Variants in CLYBL observed in about 807,000 individuals in gnomAD.
The protein encoded by CLYBL is citramalyl-CoA lyase, mitochondrial.
In CLYBL, 31 loss-of-function variants were observed where a neutral mutation model predicts 38.9. That is an observed-to-expected ratio of 0.80 (90% CI 0.60 to 1.08). The LOEUF (loss-of-function observed/expected upper bound fraction) is 1.08. Ranked by LOEUF, CLYBL falls within the 50% of genes least tolerant of loss-of-function variation. The probability of loss-of-function intolerance (pLI) is 0.00; values close to 1 mark genes in which losing one functional copy is unlikely to be tolerated. For missense variants in CLYBL, 434 were observed against 411.6 expected (o/e 1.05, Z -0.47); for synonymous variants, 171 against 158.6 (o/e 1.08, Z -0.59).
At chr13:99,626,378 C>A (rs796741510) in intron 1 of CLYBL, among the ~76,000 whole-genome samples, 11 of 152,300 alleles carry the variant, frequency 7.2e-5, no homozygotes, top group African/African-American at 2.6e-4. Context: ...CCAGGCCAGC[C>A]CAGGACTGAC....
chr13:99,905,412 G>A (rs2052686260), intron 9 of CLYBL, among the ~76,000 whole-genome samples: 1 of 152,216 alleles, frequency 6.6e-6, no homozygotes, highest in African/African-American at 2.4e-5. Context: ...TGTGGTGAGT[G>A]ACATGACATC....
intron 2 of CLYBL, among the ~76,000 whole-genome samples, chr13:99,791,667 G>A (rs2049920234): frequency 6.6e-6 from 1 of 152,182 alleles, no homozygotes; most frequent in African/African-American, 2.4e-5. Context: ...GATTAAAGGG[G>A]CCTGACATTT....
intron 2 of CLYBL, among the ~76,000 whole-genome samples, chr13:99,781,201 C>G (rs990058969): frequency 1.3e-5 from 2 of 151,010 alleles, no homozygotes; most frequent in South Asian, 4.2e-4. Flanking sequence ...GACGGAGTCT[C>G]GCTGTGTCAC....
intron 1 of CLYBL, chr13:99,727,452 C>T (rs978222134): frequency 6.6e-6 from 1 of 151,900 alleles, no homozygotes; most frequent in Admixed American, 6.6e-5. Context: ...AAGGTCTTCT[C>T]ATAAAATCCG....
chr13:99,652,744 A>G (rs1594102706), intron 1 of CLYBL, among the ~76,000 whole-genome samples: 1 of 152,316 alleles, frequency 6.6e-6, no homozygotes, highest in South Asian at 2.1e-4. Flanking sequence ...CTCCATACTC[A>G]GGGAGAAGCC....
Position 99,858,622 on chromosome 13 carries a change from A to G in CLYBL, c.250-239A>G, listed in dbSNP as rs540669019. On this transcript the variant is annotated intron_variant, in intron 2 of 8. Transcript: ENST00000339105. ...GACACTTCCATACAGAAGCACACCC[A>G]TGTGCACTGCGGTGCGTCTCGGCTA... is the stretch of plus-strand genomic sequence containing the variant. Among the ~76,000 whole-genome samples, 23 of 152,332 alleles carry G rather than the reference A, an allele frequency of 1.5e-4. 2 individuals carry two copies. In the South Asian group the frequency reaches 4.6e-3, roughly 30 times the overall value.
chr13:99,904,925 G>A (rs2052679449), intron 8 of CLYBL, among the ~76,000 whole-genome samples: 4 of 152,298 alleles, frequency 2.6e-5, no homozygotes, highest in Admixed American at 2.6e-4. Flanking sequence ...AGCTCAGCGG[G>A]CTTTGAGCCA....
chr13:99,732,087 T>C (rs2139574133), intron 1 of CLYBL, among the ~76,000 whole-genome samples: 1 of 152,212 alleles, frequency 6.6e-6, no homozygotes, highest in Admixed American at 6.5e-5. Flanking sequence ...TTACTGTTTC[T>C]TTTTTCTGGA....
At chr13:99,667,433 CTTTT>C (rs369360327) in intron 1 of CLYBL, among the ~76,000 whole-genome samples, 42,641 of 127,654 alleles carry the variant, frequency 0.33, 6,709 homozygotes, top group East Asian at 0.53. Flanking sequence ...AAGAATCTTG[CTTTT>C]TTTTTTTTTT....
At chr13:99,655,412 C>G (rs924633808) in intron 1 of CLYBL, among the ~76,000 whole-genome samples, 2 of 152,202 alleles carry the variant, frequency 1.3e-5, no homozygotes, top group African/African-American at 4.8e-5. Flanking sequence ...ATGATGTATG[C>G]TCTTTCACGT....
intron 4 of CLYBL, 109 bp downstream of exon 4, chr13:99,863,201 A>G (rs1345804027): frequency 3.5e-6 from 2 of 576,228 alleles, no homozygotes; most frequent in Non-Finnish European, 5.8e-6. Flanking sequence ...AGAAAGATTT[A>G]TAAGCAAAGG....
chr13:99,870,904 T>C (rs1177557308), intron 6 of CLYBL, 34 bp from the exon 7 acceptor site: 1 of 1,568,448 alleles, frequency 6.4e-7, no homozygotes, highest in Non-Finnish European at 8.6e-7. Context: ...CTGTTCGTTG[T>C]TTCGTGGTTC....
At chr13:99,749,260 C>T (rs778303359) in intron 1 of CLYBL, among the ~76,000 whole-genome samples, 4 of 152,132 alleles carry the variant, frequency 2.6e-5, no homozygotes, top group Admixed American at 6.5e-5. Flanking sequence ...CCTGGTGTCC[C>T]GATGGTCTGA....
chr13:99,634,804 T>C (rs988112341), intron 1 of CLYBL, among the ~76,000 whole-genome samples: 2 of 152,076 alleles, frequency 1.3e-5, no homozygotes, highest in East Asian at 1.9e-4. Flanking sequence ...GGAGTCAGGA[T>C]TGGGTTTCTT....
chr13:99,823,072 T>C (rs979349057), intron 2 of CLYBL, among the ~76,000 whole-genome samples: 2 of 152,196 alleles, frequency 1.3e-5, no homozygotes, highest in Admixed American at 6.5e-5. Flanking sequence ...AACTGAGCCA[T>C]GTTTGATTTG....
intron 1 of CLYBL, among the ~76,000 whole-genome samples, chr13:99,669,557 G>A (rs1462165912): frequency 1.3e-5 from 2 of 152,142 alleles, no homozygotes; most frequent in East Asian, 1.9e-4. Context: ...AGAGTTGGGT[G>A]GTAGTTTCAA....
intron 1 of CLYBL, among the ~76,000 whole-genome samples, chr13:99,654,535 C>A (rs1413369299): frequency 6.6e-6 from 1 of 152,226 alleles, no homozygotes; most frequent in African/African-American, 2.4e-5. Flanking sequence ...ACCATAGTTT[C>A]ACTCACTATC....
intron 9 of CLYBL, among the ~76,000 whole-genome samples, chr13:99,906,964 T>C (rs2052704135): frequency 6.6e-6 from 1 of 152,188 alleles, no homozygotes; most frequent in Non-Finnish European, 1.5e-5. Context: ...CCTAAAGAAA[T>C]TCTGTAATCC....
chr13:99,786,823 A>G (rs2049806097), intron 2 of CLYBL, among the ~76,000 whole-genome samples: 2 of 152,098 alleles, frequency 1.3e-5, no homozygotes, highest in Non-Finnish European at 2.9e-5. Flanking sequence ...ACTCCCACCA[A>G]CAGTGTAAAA....
Sources: gnomAD v4.1 joint callset for allele counts (sites outside exome capture counted in the v4.1 genomes callset) on GRCh38, gnomAD v4.1.1 for gene constraint, MANE v1.5 for transcripts, NCBI Gene and HGNC (gene_info 2026-07-23, HGNC 2026-07-21) for gene names.